The following RIPOR3 variants were observed in gnomAD, a reference collection of about 807,000 sequenced individuals.
The protein encoded by RIPOR3 is RIPOR family member 3, also known as family with sequence similarity 65 member C.
RIPOR3 carries 95 observed loss-of-function variants against 114.3 expected under a neutral mutation model. The observed-to-expected ratio is 0.83, with a 90% CI of 0.70 to 0.99. The LOEUF is 0.99. RIPOR3 is among the 50% of genes least tolerant of loss of function. The pLI is 0.00. For synonymous variants in RIPOR3, 575 were observed against 543.8 expected (o/e 1.06, Z -0.80); for missense variants, 1,252 against 1,266.9 (o/e 0.99, Z 0.18).
chr20:50,636,466 G>A (rs2084990114), intron 1 of RIPOR3: 8 of 777,276 alleles, frequency 1.0e-5, no homozygotes, highest in Non-Finnish European at 1.3e-5. Context: ...GGAATGCTCG[G>A]GTGGCTTAGG....
At chr20:50,587,683 G>T in intron 21 of RIPOR3, 119 bp downstream of exon 21, 1 of 911,968 alleles carries the variant, frequency 1.1e-6, no homozygotes, top group Non-Finnish European at 1.7e-6. Context: ...GCTGCTAACG[G>T]TGCCCATCCC....
At chr20:50,660,974 A>T (rs1264806012) in intron 1 of RIPOR3, among the ~76,000 whole-genome samples, 1 of 151,798 alleles carries the variant, frequency 6.6e-6, no homozygotes, top group Non-Finnish European at 1.5e-5. Flanking sequence ...GCGGTGTCTC[A>T]TGCCTGTAAT....
intron 2 of RIPOR3, among the ~76,000 whole-genome samples, chr20:50,627,017 GAAAAAA>G (rs1193955700): frequency 8.1e-6 from 1 of 123,060 alleles, no homozygotes; most frequent in African/African-American, 2.8e-5. Context: ...TCCGTCTCAA[GAAAAAA>G]AAAAAAAAAA....
At chr20:50,640,564 G>A (rs35750467) in intron 1 of RIPOR3, among the ~76,000 whole-genome samples, 1 of 143,630 alleles carries the variant, frequency 7.0e-6, no homozygotes, top group Non-Finnish European at 1.5e-5. Flanking sequence ...AGCACTCTTC[G>A]GCCAACCACT....
intron 1 of RIPOR3, among the ~76,000 whole-genome samples, chr20:50,681,197 C>G (rs1032703871): frequency 2.3e-5 from 3 of 131,390 alleles, no homozygotes; most frequent in Non-Finnish European, 4.6e-5. Flanking sequence ...TGCACTCCAG[C>G]CTGGGCGACA....
chr20:50,637,978 C>A lies in RIPOR3; in HGVS notation c.4-7122G>T, dbSNP rs2085050769. On this transcript the variant is annotated intron_variant, in intron 1 of 21. Coordinates refer to ENST00000327979, the MANE Select transcript of RIPOR3 (RefSeq NM_001290268.2). ...ACCCAGGCTGGTCTCAAACTCCTGG[C>A]CTCAAGCGATCCACATGGTGTGAGC... Among the ~76,000 whole-genome samples the A allele has an allele frequency of 2.0e-5, 3 of 151,904 alleles. No homozygotes were observed. In the South Asian group the frequency reaches 6.2e-4, roughly 32 times the overall value.
chr20:50,610,761 G>C lies in RIPOR3; in HGVS notation c.426+92C>G, dbSNP rs978147780. 5 of 1,563,932 alleles carry C rather than the reference G, an allele frequency of 3.2e-6. No homozygotes were observed. In the East Asian group the frequency reaches 1.1e-4, roughly 35 times the overall value. ...ACCCAGAGGCCCTGATCCCTGTTTC[G>C]AGGGCACCTCCCCAGCTCCTGCTAA... is the stretch of plus-strand genomic sequence containing the variant. On this transcript the variant is annotated intron_variant, in intron 6 of 21. Transcript: ENST00000327979.
At chr20:50,660,210 T>G (rs964525821) in intron 1 of RIPOR3, 1 of 152,196 alleles carries the variant, frequency 6.6e-6, no homozygotes, top group South Asian at 2.1e-4. Flanking sequence ...TGAAACCCAC[T>G]CTACTTGTCT....
chr20:50,644,837 A>ATTTTTTTTTTTT (rs1201285050), intron 1 of RIPOR3, among the ~76,000 whole-genome samples: 1 of 106,708 alleles, frequency 9.4e-6, no homozygotes, highest in Non-Finnish European at 1.7e-5. Flanking sequence ...TTTATTTTTT[A>ATTTTTTTTTTTT]TTTTTTATTT....
rs186917079 is a variant in RIPOR3, at chr20:50,595,266, G to C, written c.2050+103C>G. The stretch of plus-strand genomic sequence containing the variant: ...AGCCACAGCCTCCACTCTGGGCCCC[G>C]ATTAACTCTGGCTATTAGGAAGGCA... On this transcript the variant is annotated intron_variant, in intron 16 of 21. Transcript: ENST00000327979. The C allele has an allele frequency of 4.1e-6, 6 of 1,467,122 alleles. No homozygotes were observed. In the East Asian group the frequency reaches 1.4e-4, roughly 34 times the overall value. 90.9% of individuals were successfully genotyped at this position (1,467,122 alleles called of 1,614,324 possible).
At chr20:50,590,781 A>G (rs1031773906) in intron 19 of RIPOR3, among the ~76,000 whole-genome samples, 5 of 143,372 alleles carry the variant, frequency 3.5e-5, no homozygotes, top group African/African-American at 7.8e-5. Context: ...AGTGTTTCCT[A>G]CTCTCTAAAG....
chr20:50,675,228 C>T (rs112588521), intron 1 of RIPOR3, among the ~76,000 whole-genome samples: 5,427 of 152,284 alleles, frequency 0.036, 136 homozygotes, highest in Non-Finnish European at 0.049. Context: ...CCTGCTGACA[C>T]CCTGATTTCA....
chr20:50,682,525 T>C (rs1415013772), intron 1 of RIPOR3, among the ~76,000 whole-genome samples: 1 of 150,378 alleles, frequency 6.6e-6, no homozygotes, highest in African/African-American at 2.4e-5. Flanking sequence ...GAGGATCACC[T>C]GAGCCCAAGA....
intron 1 of RIPOR3, among the ~76,000 whole-genome samples, chr20:50,665,220 T>C (rs2086142188): frequency 1.3e-5 from 2 of 151,338 alleles, no homozygotes; most frequent in African/African-American, 4.9e-5. Flanking sequence ...GAGGATCACT[T>C]GAGCCCTAGA....
intron 17 of RIPOR3, among the ~76,000 whole-genome samples, chr20:50,593,662 C>G (rs992596138): frequency 7.9e-5 from 12 of 152,016 alleles, no homozygotes; most frequent in Non-Finnish European, 1.8e-4. Context: ...CAGCTAGAGT[C>G]AGGACTGTGA....
intron 1 of RIPOR3, among the ~76,000 whole-genome samples, chr20:50,637,403 C>T (rs1441801103): frequency 2.0e-5 from 3 of 152,164 alleles, no homozygotes; most frequent in Admixed American, 6.6e-5. Flanking sequence ...CCAAGGCCAC[C>T]TCCTCAGAGA....
At chr20:50,667,572 G>A (rs531002646) in intron 1 of RIPOR3, among the ~76,000 whole-genome samples, 27 of 152,300 alleles carry the variant, frequency 1.8e-4, no homozygotes, top group African/African-American at 6.3e-4. Context: ...GATTACAGGC[G>A]TGAGCCACCG....
rs955737438 is a variant in RIPOR3, at chr20:50,689,793, A to G, written c.3+1333T>C. Among the ~76,000 whole-genome samples, 18 of 152,094 alleles carry G rather than the reference A, an allele frequency of 1.2e-4. 1 individual carries two copies. Among genetic ancestry groups the G allele is most frequent in the East Asian group, 3.9e-4 (2 of 5,186 alleles). ...ACAACTCAGGGCTGACTTGTCCCCA[A>G]GGTGGGTGGTGGGGGGTTCACAGCC... is the stretch of plus-strand genomic sequence containing the variant. On this transcript the variant is annotated intron_variant, in intron 1 of 21. Coordinates refer to ENST00000327979, the MANE Select transcript of RIPOR3 (RefSeq NM_001290268.2).
chr20:50,689,172 CTTTTTTTTTTTT>C (rs71964773), intron 1 of RIPOR3, among the ~76,000 whole-genome samples: 2 of 88,816 alleles, frequency 2.3e-5, no homozygotes, highest in Non-Finnish European at 4.8e-5. Flanking sequence ...CTCCAAACTT[CTTTTTTTTTTTT>C]TTTTTTTTTT....
Sources: allele counts gnomAD v4.1 joint callset (sites outside exome capture counted in the v4.1 genomes callset), GRCh38; gene constraint gnomAD v4.1.1; transcripts MANE v1.5; gene names NCBI Gene and HGNC (gene_info 2026-07-23, HGNC 2026-07-21).